GALNT17: variants seen among roughly 807,000 people sequenced by gnomAD.
The protein encoded by GALNT17 is polypeptide N-acetylgalactosaminyltransferase 17.
A neutral mutation model predicts 63.7 loss-of-function variants in GALNT17; 29 were observed. The observed-to-expected ratio is 0.46, with a 90% CI of 0.34 to 0.62. GALNT17 has a LOEUF of 0.62. GALNT17 is among the 20% of genes least tolerant of loss of function. The pLI is 0.01. For synonymous variants in GALNT17, 305 were observed against 318.3 expected (o/e 0.96, Z 0.45); for missense variants, 603 against 799.6 (o/e 0.75, Z 2.97).
At chr7:71,563,372 G>T (rs1274624885) in intron 5 of GALNT17, among the ~76,000 whole-genome samples, 1 of 152,154 alleles carries the variant, frequency 6.6e-6, no homozygotes, top group African/African-American at 2.4e-5. Flanking sequence ...GCTCCTGATT[G>T]TCAGGATGAA....
intron 6 of GALNT17, among the ~76,000 whole-genome samples, chr7:71,575,492 C>G (rs1346124332): frequency 6.6e-6 from 1 of 151,832 alleles, no homozygotes; most frequent in Non-Finnish European, 1.5e-5. Flanking sequence ...GAGTTCACGC[C>G]ATTCTCCTGC....
intron 5 of GALNT17, among the ~76,000 whole-genome samples, chr7:71,471,399 CAAAAAAAAA>C (rs35529889): frequency 4.5e-5 from 4 of 89,600 alleles, no homozygotes; most frequent in Non-Finnish European, 9.5e-5. Flanking sequence ...TTTTTTTTTC[CAAAAAAAAA>C]AAAAAACAAA....
At chr7:71,546,232 C>T (rs1788982767) in intron 5 of GALNT17, among the ~76,000 whole-genome samples, 1 of 150,824 alleles carries the variant, frequency 6.6e-6, no homozygotes, top group African/African-American at 2.4e-5. Flanking sequence ...ACAATCATGG[C>T]TCACTGCAGC....
intron 3 of GALNT17, among the ~76,000 whole-genome samples, chr7:71,404,483 C>G (rs1049580369): frequency 6.6e-6 from 1 of 152,166 alleles, no homozygotes; most frequent in Non-Finnish European, 1.5e-5. Context: ...CATTTTTGCT[C>G]CAGCCCATAG....
intron 1 of GALNT17, among the ~76,000 whole-genome samples, chr7:71,196,279 A>G (rs1271642517): frequency 6.6e-6 from 1 of 152,106 alleles, no homozygotes; most frequent in Non-Finnish European, 1.5e-5. Context: ...CTGGGGTTAC[A>G]GGCACCTGCC....
At chr7:71,373,030 G>A (rs1480232453) in intron 2 of GALNT17, among the ~76,000 whole-genome samples, 1 of 152,146 alleles carries the variant, frequency 6.6e-6, no homozygotes, top group African/African-American at 2.4e-5. Flanking sequence ...TGCATTGCGT[G>A]TCTCATTAGC....
intron 2 of GALNT17, among the ~76,000 whole-genome samples, chr7:71,368,933 T>A: frequency 6.8e-6 from 1 of 147,808 alleles, no homozygotes; most frequent in African/African-American, 2.6e-5. Context: ...GGGGGGGGTG[T>A]TCCTCTCTCC....
rs185756273 is a variant in GALNT17 at position 71,441,267 on chromosome 7, C to T, written c.962+20162C>T. ...CTATCTCTTGACCTCGTAATCCACC[C>T]ACCTTGGCCTCCCATACCAAATTTT... On this transcript the variant is annotated intron_variant, in intron 5 of 10. Coordinates refer to ENST00000333538, the MANE Select transcript of GALNT17 (RefSeq NM_022479.3). Among the ~76,000 whole-genome samples the T allele has an allele frequency of 1.8e-4, 28 of 152,202 alleles. No homozygotes were observed. The East Asian group carries it at 4.5e-3, about 24-fold the overall frequency.
chr7:71,160,356 C>T (rs975986503), intron 1 of GALNT17, among the ~76,000 whole-genome samples: 4 of 152,276 alleles, frequency 2.6e-5, no homozygotes, highest in East Asian at 1.9e-4. Context: ...TTCAGTGATT[C>T]GTTGAGTTCC....
intron 6 of GALNT17, among the ~76,000 whole-genome samples, chr7:71,573,694 G>C (rs1385163358): frequency 6.6e-6 from 1 of 152,010 alleles, no homozygotes; most frequent in East Asian, 1.9e-4. Flanking sequence ...TCATGTGCAG[G>C]TTTGTTATAT....
chr7:71,433,456 ACT>A (rs1563089259), intron 5 of GALNT17, among the ~76,000 whole-genome samples: 3 of 152,194 alleles, frequency 2.0e-5, no homozygotes, highest in Admixed American at 2.0e-4. Context: ...ACATTGCATA[ACT>A]CTATGACTAT....
At chr7:71,267,757 G>A (rs1466441145) in intron 1 of GALNT17, among the ~76,000 whole-genome samples, 1 of 152,060 alleles carries the variant, frequency 6.6e-6, no homozygotes, top group Non-Finnish European at 1.5e-5. Context: ...ACAGGTAAAC[G>A]AGTGCCATGC....
intron 5 of GALNT17, among the ~76,000 whole-genome samples, chr7:71,423,667 A>T (rs1398212908): frequency 6.6e-6 from 1 of 152,186 alleles, no homozygotes; most frequent in East Asian, 1.9e-4. Flanking sequence ...TAATCTCAGC[A>T]CTTCGGGAGG....
At chr7:71,486,643 C>G (rs1205290679) in intron 5 of GALNT17, among the ~76,000 whole-genome samples, 1 of 151,102 alleles carries the variant, frequency 6.6e-6, no homozygotes, top group Non-Finnish European at 1.5e-5. Flanking sequence ...ATTGCTTGAG[C>G]CCAGCAGTTC....
At chr7:71,582,479 G>A (rs1789650757) in intron 6 of GALNT17, among the ~76,000 whole-genome samples, 1 of 151,934 alleles carries the variant, frequency 6.6e-6, no homozygotes, top group South Asian at 2.1e-4. Flanking sequence ...TACTCGGGAG[G>A]CTGAGGAAGG....
In GALNT17 at chr7:71,674,988, A is replaced by G. The variant is rs1791127078; in HGVS notation, c.1405-2223A>G. On this transcript the variant is annotated intron_variant, in intron 8 of 10. Coordinates refer to ENST00000333538, the MANE Select transcript of GALNT17 (RefSeq NM_022479.3). ...ATCACGAGGTCAGGAGATGGAGACC[A>G]TCCTGGCCAATATGGTGAAACCCTG... Among the ~76,000 whole-genome samples the G allele has an allele frequency of 2.6e-5, 4 of 152,100 alleles. No homozygotes were observed. In the South Asian group the frequency reaches 8.3e-4, roughly 32 times the overall value.
chr7:71,195,533 C>T (rs1019933878), intron 1 of GALNT17, among the ~76,000 whole-genome samples: 3 of 152,078 alleles, frequency 2.0e-5, no homozygotes, highest in African/African-American at 7.2e-5. Context: ...GCATCTGCCA[C>T]CATGCTTGGC....
chr7:71,332,470 A>T (rs1468388845), intron 1 of GALNT17, among the ~76,000 whole-genome samples: 1 of 151,974 alleles, frequency 6.6e-6, no homozygotes, highest in East Asian at 1.9e-4. Context: ...CATAGACTCA[A>T]CTCCGATTTT....
chr7:71,334,728 G>T (rs983541672), intron 1 of GALNT17, among the ~76,000 whole-genome samples: 6 of 152,152 alleles, frequency 3.9e-5, no homozygotes, highest in Non-Finnish European at 8.8e-5. Flanking sequence ...TATCACCCGT[G>T]TGGGTTTTTT....
Sources: allele counts gnomAD v4.1 joint callset (sites outside exome capture counted in the v4.1 genomes callset), GRCh38; gene constraint gnomAD v4.1.1; transcripts MANE v1.5; gene names NCBI Gene and HGNC (gene_info 2026-07-23, HGNC 2026-07-21).